Variants in MGAT5 observed in about 807,000 individuals in gnomAD.
MGAT5 encodes alpha-1,6-mannosylglycoprotein 6-beta-N-acetylglucosaminyltransferase.
Under a neutral mutation model 94.3 loss-of-function variants are expected in MGAT5, and 30 were observed. That is an observed-to-expected ratio of 0.32 (90% CI 0.24 to 0.43). The LOEUF (loss-of-function observed/expected upper bound fraction) is 0.43. MGAT5 is among the 20% of genes least tolerant of loss of function. The probability of loss-of-function intolerance (pLI) is 1.00; values close to 1 mark genes in which losing one functional copy is unlikely to be tolerated. For synonymous variants in MGAT5, 310 were observed against 322.9 expected (o/e 0.96, Z 0.43); for missense variants, 691 against 905.5 (o/e 0.76, Z 3.04).
chr2:134,185,986 A>T (rs1254809121), intron 1 of MGAT5, among the ~76,000 whole-genome samples: 2 of 152,192 alleles, frequency 1.3e-5, no homozygotes, highest in Non-Finnish European at 2.9e-5. Context: ...TGCTGTCCTC[A>T]TGAGGATGAG....
chr2:134,123,237 G>A (rs1171741281), intron 1 of MGAT5, among the ~76,000 whole-genome samples: 4 of 152,146 alleles, frequency 2.6e-5, no homozygotes, highest in African/African-American at 7.2e-5. Flanking sequence ...GAGGCCTTTG[G>A]AAGTATGAGT....
intron 13 of MGAT5, 61 bp from the exon 14 acceptor site, chr2:134,428,304 T>C (rs564268611): frequency 6.7e-7 from 1 of 1,490,702 alleles, no homozygotes; most frequent in South Asian, 1.1e-5. Flanking sequence ...GTCGGAGGAC[T>C]GAGGAGGTGC....
At chr2:134,310,182 T>C (rs2321678) in intron 2 of MGAT5, among the ~76,000 whole-genome samples, 82,898 of 152,038 alleles carry the variant, frequency 0.55, 25,770 homozygotes, top group Non-Finnish European at 0.69. Flanking sequence ...TGGAGGTGCT[T>C]CTTCAAGAGG....
At chr2:134,380,273 G>T in intron 10 of MGAT5, among the ~76,000 whole-genome samples, 1 of 152,134 alleles carries the variant, frequency 6.6e-6, no homozygotes, top group East Asian at 1.9e-4. Context: ...CTAGAAATAC[G>T]CACGTGGCAT....
chr2:134,264,256 A>G (rs182391466), intron 1 of MGAT5, among the ~76,000 whole-genome samples: 14 of 152,294 alleles, frequency 9.2e-5, no homozygotes, highest in Admixed American at 5.9e-4. Context: ...TCCCGACCTC[A>G]GGTGATCGGT....
In MGAT5 at chr2:134,392,523, A is replaced by G. The variant is rs112330908; in HGVS notation, c.1381-10465A>G. Among the ~76,000 whole-genome samples, 599 of 152,322 alleles carry G rather than the reference A, an allele frequency of 3.9e-3. 5 individuals carry two copies. Among genetic ancestry groups the G allele is most frequent in the African/African-American group, 0.014 (562 of 41,556 alleles). On this transcript the variant is annotated intron_variant, in intron 10 of 15. Coordinates refer to ENST00000281923, the MANE Select transcript of MGAT5 (RefSeq NM_002410.5). ...CACAAAGAGATCGTGCCTGGAATTT[A>G]GAAGTTTGTTCTTAGCTTGGTGGGA...
chr2:134,287,621 G>C (rs953647956), intron 2 of MGAT5, among the ~76,000 whole-genome samples: 1 of 152,190 alleles, frequency 6.6e-6, no homozygotes, highest in African/African-American at 2.4e-5. Flanking sequence ...CCTCATAGAT[G>C]GATCCTTCAG....
At chr2:134,158,157 C>T (rs766139955) in intron 1 of MGAT5, among the ~76,000 whole-genome samples, 1 of 152,242 alleles carries the variant, frequency 6.6e-6, no homozygotes, top group Non-Finnish European at 1.5e-5. Context: ...GCCTGGCCCC[C>T]AGGCCTCAGG....
intron 1 of MGAT5, among the ~76,000 whole-genome samples, chr2:134,236,027 A>G (rs1044444060): frequency 6.6e-6 from 1 of 152,108 alleles, no homozygotes. Flanking sequence ...GAAAATACAG[A>G]CCTGTTTTTC....
At chr2:134,317,719 AT>A in intron 3 of MGAT5, 114 bp downstream of exon 3, 2 of 616,534 alleles carry the variant, frequency 3.2e-6, no homozygotes, top group Non-Finnish European at 5.1e-6. Flanking sequence ...GACATGGATC[AT>A]TTATGGGGTG....
At chr2:134,220,882 C>T (rs923461191) in intron 1 of MGAT5, among the ~76,000 whole-genome samples, 4 of 152,178 alleles carry the variant, frequency 2.6e-5, no homozygotes, top group African/African-American at 7.2e-5. Flanking sequence ...TGCCAAATCT[C>T]TTTCGCATTT....
intron 15 of MGAT5, among the ~76,000 whole-genome samples, chr2:134,447,956 C>T (rs1413084997): frequency 6.6e-6 from 1 of 152,220 alleles, no homozygotes; most frequent in African/African-American, 2.4e-5. Context: ...ATTGCCATGG[C>T]TTAAGGGTGG....
At chr2:134,289,201 C>T (rs1382305157) in intron 2 of MGAT5, among the ~76,000 whole-genome samples, 1 of 152,174 alleles carries the variant, frequency 6.6e-6, no homozygotes, top group Non-Finnish European at 1.5e-5. Context: ...TCTCCTCTTC[C>T]CACATGCCCT....
chr2:134,370,043 T>A (rs1041195422), intron 10 of MGAT5, among the ~76,000 whole-genome samples: 1 of 152,234 alleles, frequency 6.6e-6, no homozygotes. Flanking sequence ...GACTGCTGCA[T>A]CTGAGATAGA....
chr2:134,190,962 A>C (rs1216303910), intron 1 of MGAT5, among the ~76,000 whole-genome samples: 3 of 151,414 alleles, frequency 2.0e-5, no homozygotes, highest in Non-Finnish European at 2.9e-5. Context: ...TATTTAAAAA[A>C]ATTTTTTTAG....
chr2:134,241,007 A>G (rs1681942948), intron 1 of MGAT5, among the ~76,000 whole-genome samples: 1 of 152,254 alleles, frequency 6.6e-6, no homozygotes, highest in East Asian at 1.9e-4. Flanking sequence ...GAGGAAACAG[A>G]AGAAGCTAGA....
chr2:134,156,516 A>C (rs903908163), intron 1 of MGAT5, among the ~76,000 whole-genome samples: 10 of 152,142 alleles, frequency 6.6e-5, no homozygotes, highest in Admixed American at 6.5e-4. Flanking sequence ...AATGTTTTAA[A>C]AGAGTTCCTT....
intron 1 of MGAT5, among the ~76,000 whole-genome samples, chr2:134,269,445 C>A (rs2105626051): frequency 6.6e-6 from 1 of 152,328 alleles, no homozygotes. Flanking sequence ...TCCCCTGGCC[C>A]ACTCCCAATT....
chr2:134,427,939 C>A (rs1370282922), intron 13 of MGAT5, among the ~76,000 whole-genome samples: 1 of 152,180 alleles, frequency 6.6e-6, no homozygotes, highest in Non-Finnish European at 1.5e-5. Flanking sequence ...TTGCTAATTT[C>A]CTATATGTGC....
Sources: allele counts gnomAD v4.1 joint callset (sites outside exome capture counted in the v4.1 genomes callset), GRCh38; gene constraint gnomAD v4.1.1; transcripts MANE v1.5; gene names NCBI Gene and HGNC (gene_info 2026-07-23, HGNC 2026-07-21).